The following CLNK variants were observed in gnomAD, a reference collection of about 807,000 sequenced individuals.
The protein encoded by CLNK is cytokine dependent hematopoietic cell linker.
A neutral mutation model predicts 68.6 loss-of-function variants in CLNK; 74 were observed. The ratio of observed to expected loss-of-function variants is 1.08; its 90% CI spans 0.89 to 1.31. The LOEUF (loss-of-function observed/expected upper bound fraction) is 1.31, where lower values mean the gene tolerates loss of function less well. CLNK is among the 50% of genes most tolerant of loss of function. The pLI is 0.00. For missense variants in CLNK, 553 were observed against 515.3 expected (o/e 1.07, Z -0.71); for synonymous variants, 198 against 172.2 (o/e 1.15, Z -1.17).
chr4:10,632,996 G>A (rs1315665025), intron 2 of CLNK, among the ~76,000 whole-genome samples: 1 of 152,134 alleles, frequency 6.6e-6, no homozygotes, highest in Non-Finnish European at 1.5e-5. Context: ...AGAGTGCAGG[G>A]GCGTGATCTC....
At chr4:10,495,869 A>C (rs1213729045) in intron 18 of CLNK, among the ~76,000 whole-genome samples, 2 of 152,138 alleles carry the variant, frequency 1.3e-5, no homozygotes, top group East Asian at 1.9e-4. Context: ...ATAGAGGCAG[A>C]GACTGGAGCG....
At chr4:10,533,305 T>C (rs1165975085) in intron 11 of CLNK, among the ~76,000 whole-genome samples, 1 of 152,190 alleles carries the variant, frequency 6.6e-6, no homozygotes, top group Non-Finnish European at 1.5e-5. Context: ...GCATTCAGTG[T>C]GCATCGTTGT....
intron 8 of CLNK, among the ~76,000 whole-genome samples, chr4:10,557,351 A>C (rs1431211183): frequency 6.6e-6 from 1 of 152,072 alleles, no homozygotes; most frequent in African/African-American, 2.4e-5. Flanking sequence ...ATTTCTAGTT[A>C]GGTTTAGCCA....
chr4:10,599,117 G>T (rs1250935388), intron 2 of CLNK, among the ~76,000 whole-genome samples: 1 of 152,186 alleles, frequency 6.6e-6, no homozygotes, highest in Admixed American at 6.5e-5. Context: ...GTTTTAACTG[G>T]TAACTTGTGT....
At position 10,654,821 on chromosome 4, in the gene CLNK, G is replaced by A. The variant is rs916519365; in HGVS notation, c.11+13038C>T. ...GTAAAATGTCTAAAAATGATTTCTC[G>A]GCCAGGCGTGGTGGCTCATGCCTGT... On this transcript the variant is annotated intron_variant, in intron 2 of 18. Transcript: ENST00000226951. Among the ~76,000 whole-genome samples the A allele has an allele frequency of 3.3e-5, 5 of 152,096 alleles. No individual in the cohort carries two copies. The South Asian group carries it at 8.3e-4, about 25-fold the overall frequency.
chr4:10,704,331 A>C, the CLNK span, among the ~76,000 whole-genome samples: 1 of 152,182 alleles, frequency 6.6e-6, no homozygotes, highest in Non-Finnish European at 1.5e-5. Context: ...AAGTGTTCTT[A>C]TGTTGTCATT....
chr4:10,673,418 C>A (rs576424319), intron 1 of CLNK, among the ~76,000 whole-genome samples: 1 of 152,090 alleles, frequency 6.6e-6, no homozygotes, highest in South Asian at 2.1e-4. Flanking sequence ...TTGAATAGGA[C>A]AAATGTCCAT....
intron 11 of CLNK, among the ~76,000 whole-genome samples, chr4:10,536,520 A>G (rs2108879): frequency 0.043 from 6,471 of 152,230 alleles, 195 homozygotes; most frequent in Non-Finnish European, 0.066. Context: ...TTTTTGCCCC[A>G]TCAATAGTCA....
At chr4:10,590,744 A>G (rs930223856) in intron 3 of CLNK, among the ~76,000 whole-genome samples, 9 of 152,226 alleles carry the variant, frequency 5.9e-5, no homozygotes, top group African/African-American at 1.9e-4. Flanking sequence ...CTAGATAAAA[A>G]CAAGGAAGGA....
the CLNK span, among the ~76,000 whole-genome samples, chr4:10,699,821 A>T: frequency 3.7e-3 from 570 of 152,098 alleles, 7 homozygotes; most frequent in African/African-American, 0.013. Flanking sequence ...GCCACTCCAT[A>T]TATTTTAAAT....
chr4:10,579,216 G>T (rs1014277315), intron 4 of CLNK, among the ~76,000 whole-genome samples: 16 of 152,184 alleles, frequency 1.1e-4, no homozygotes, highest in Non-Finnish European at 1.9e-4. Flanking sequence ...CCCCTGGCAG[G>T]TTCCAAACTT....
chr4:10,599,453 A>T (rs1721503271), intron 2 of CLNK, among the ~76,000 whole-genome samples: 1 of 152,092 alleles, frequency 6.6e-6, no homozygotes, highest in Admixed American at 6.6e-5. Flanking sequence ...TTATTTTAAA[A>T]TTTCATTATT....
the CLNK span, among the ~76,000 whole-genome samples, chr4:10,722,022 C>A: frequency 7.2e-5 from 11 of 152,004 alleles, 1 homozygote; most frequent in Non-Finnish European, 1.3e-4. Context: ...ACAAAAAATA[C>A]AATTAGCCAG....
At chr4:10,672,509 G>T (rs553898300) in intron 1 of CLNK, among the ~76,000 whole-genome samples, 1 of 152,148 alleles carries the variant, frequency 6.6e-6, no homozygotes, top group African/African-American at 2.4e-5. Context: ...TGAACTTGAA[G>T]ATTAATTAAA....
intron 17 of CLNK, among the ~76,000 whole-genome samples, chr4:10,505,697 C>A (rs1282916772): frequency 6.6e-6 from 1 of 152,186 alleles, no homozygotes. Flanking sequence ...GACTCTGACA[C>A]TCCTGGTTCC....
At chr4:10,641,129 G>A (rs778150683) in intron 2 of CLNK, among the ~76,000 whole-genome samples, 1 of 152,202 alleles carries the variant, frequency 6.6e-6, no homozygotes, top group African/African-American at 2.4e-5. Context: ...GCATGATTTC[G>A]ACCCTTAAGT....
At chr4:10,641,081 C>T (rs1723287409) in intron 2 of CLNK, among the ~76,000 whole-genome samples, 2 of 152,026 alleles carry the variant, frequency 1.3e-5, no homozygotes, top group African/African-American at 4.8e-5. Flanking sequence ...TGTGTTTTAG[C>T]TGTGGGAGAA....
intron 2 of CLNK, among the ~76,000 whole-genome samples, chr4:10,604,919 G>A (rs140895885): frequency 2.2e-4 from 34 of 152,306 alleles, no homozygotes; most frequent in African/African-American, 7.0e-4. Context: ...TTTCTTAGAT[G>A]TGATTAATAT....
intron 14 of CLNK, among the ~76,000 whole-genome samples, chr4:10,525,571 C>T (rs1009660594): frequency 6.6e-6 from 1 of 152,226 alleles, no homozygotes; most frequent in Non-Finnish European, 1.5e-5. Flanking sequence ...TGATTAGCAT[C>T]TTTTCCCGTT....
Sources: gnomAD v4.1 joint callset for allele counts (sites outside exome capture counted in the v4.1 genomes callset) on GRCh38, gnomAD v4.1.1 for gene constraint, MANE v1.5 for transcripts, NCBI Gene and HGNC (gene_info 2026-07-23, HGNC 2026-07-21) for gene names.